Variants in PLCL1 observed in about 807,000 individuals in gnomAD.
PLCL1 encodes the protein inactive phospholipase C-like protein 1.
In PLCL1, 41 loss-of-function variants were observed where a neutral mutation model predicts 84.4. The observed-to-expected ratio is 0.49, with a 90% CI of 0.38 to 0.63. The LOEUF (loss-of-function observed/expected upper bound fraction) is 0.63. Ranked by LOEUF, PLCL1 falls within the 30% of genes least tolerant of loss-of-function variation. PLCL1 has a pLI of 0.00. For missense variants in PLCL1, 1,206 were observed against 1,367.8 expected (o/e 0.88, Z 1.87); for synonymous variants, 490 against 488.3 (o/e 1.00, Z -0.05).
rs1345938864 is a variant in PLCL1, at chr2:197,866,140, A to C, written c.240+60801A>C. Among the ~76,000 whole-genome samples the C allele has an allele frequency of 6.3e-3, 189 of 29,830 alleles. 52 individuals carry two copies. The highest frequency in any genetic ancestry group is 8.5e-3 in the Admixed American group (26 of 3,050). 19.6% of individuals were successfully genotyped at this position (29,830 alleles called of 152,430 possible). On this transcript the variant is annotated intron_variant, in intron 1 of 5. Coordinates refer to ENST00000428675, the MANE Select transcript of PLCL1 (RefSeq NM_006226.4). ...TATATATAAACTATATATATATATA[A>C]ACTATATATATATATAAACTATATA... is the stretch of plus-strand genomic sequence containing the variant.
chr2:197,873,111 T>C (rs72920799), intron 1 of PLCL1, among the ~76,000 whole-genome samples: 2,356 of 152,254 alleles, frequency 0.015, 22 homozygotes, highest in Non-Finnish European at 0.025. Flanking sequence ...ATAGGGAAGG[T>C]TTCTAAATTG....
At chr2:198,022,504 C>T (rs943704219) in intron 1 of PLCL1, among the ~76,000 whole-genome samples, 2 of 152,112 alleles carry the variant, frequency 1.3e-5, no homozygotes, top group South Asian at 2.1e-4. Context: ...AAAACTCCAT[C>T]GTCTCAGTCC....
chr2:197,863,015 G>A lies in PLCL1; in HGVS notation c.240+57676G>A, dbSNP rs75732081. 1.9e-3 allele frequency among the ~76,000 whole-genome samples: 282 copies of A among 152,238 alleles called. 1 individual carries two copies. Among genetic ancestry groups the A allele is most frequent in the African/African-American group, 6.5e-3 (270 of 41,556 alleles). ...AATGTAACGTACATGTTCCTGGAAC[G>A]CAGTAGATGCTCAATAATATGTCTT... On this transcript the variant is annotated intron_variant, in intron 1 of 5. Coordinates refer to ENST00000428675, the MANE Select transcript of PLCL1 (RefSeq NM_006226.4).
intron 1 of PLCL1, among the ~76,000 whole-genome samples, chr2:197,851,902 C>G (rs1687246616): frequency 6.6e-6 from 1 of 152,164 alleles, no homozygotes; most frequent in Non-Finnish European, 1.5e-5. Context: ...CATTTCTGTA[C>G]CAATGTGAGG....
chr2:197,881,191 A>G (rs1450851227), intron 1 of PLCL1, among the ~76,000 whole-genome samples: 1 of 152,182 alleles, frequency 6.6e-6, no homozygotes, highest in Non-Finnish European at 1.5e-5. Context: ...GTGAAGGGGT[A>G]ATCAGCTGCT....
At chr2:197,872,790 A>G (rs1222289086) in intron 1 of PLCL1, among the ~76,000 whole-genome samples, 2 of 152,206 alleles carry the variant, frequency 1.3e-5, no homozygotes, top group Non-Finnish European at 2.9e-5. Flanking sequence ...GATAAGCTTG[A>G]GTAAAAGATT....
intron 1 of PLCL1, among the ~76,000 whole-genome samples, chr2:197,918,183 AC>A (rs1688631686): frequency 1.3e-5 from 2 of 152,154 alleles, no homozygotes; most frequent in South Asian, 2.1e-4. Flanking sequence ...CAAACCCATA[AC>A]CCCAGTCTGA....
At chr2:198,123,447 C>T (rs764136419) in intron 5 of PLCL1, among the ~76,000 whole-genome samples, 54 of 151,624 alleles carry the variant, frequency 3.6e-4, no homozygotes, top group Admixed American at 3.4e-3. Context: ...ATTGGTGGGG[C>T]GGGGGATAAT....
intron 1 of PLCL1, among the ~76,000 whole-genome samples, chr2:197,942,114 C>T (rs1322360026): frequency 6.6e-6 from 1 of 152,190 alleles, no homozygotes; most frequent in Non-Finnish European, 1.5e-5. Flanking sequence ...GTATTTACCT[C>T]CTCATGTGAA....
At chr2:197,982,829 C>A (rs1351650095) in intron 1 of PLCL1, among the ~76,000 whole-genome samples, 3 of 152,164 alleles carry the variant, frequency 2.0e-5, no homozygotes, top group Non-Finnish European at 2.9e-5. Context: ...AGCTACAAGT[C>A]AACTGGCTTC....
At chr2:198,047,163 GTA>G (rs956248665) in intron 1 of PLCL1, among the ~76,000 whole-genome samples, 5 of 83,610 alleles carry the variant, frequency 6.0e-5, no homozygotes, top group East Asian at 5.1e-4. Context: ...GCATGTGTGT[GTA>G]TGTGTGTGTG....
chr2:198,099,215 C>T (rs1458557140), intron 3 of PLCL1, among the ~76,000 whole-genome samples: 2 of 152,004 alleles, frequency 1.3e-5, no homozygotes, highest in African/African-American at 2.4e-5. Context: ...TATCTGAGGA[C>T]ATCTTCTCAC....
intron 1 of PLCL1, among the ~76,000 whole-genome samples, chr2:197,834,376 T>C (rs1691136442): frequency 6.6e-6 from 1 of 152,042 alleles, no homozygotes; most frequent in Non-Finnish European, 1.5e-5. Context: ...ACCTACAGAA[T>C]GGGAGAAAAT....
At chr2:198,001,965 G>C (rs1329538510) in intron 1 of PLCL1, 1 of 440,804 alleles carries the variant, frequency 2.3e-6, no homozygotes, top group East Asian at 7.0e-5. Flanking sequence ...GGACTGTGTA[G>C]TTGCAGGAAA....
chr2:197,957,863 CAG>C (rs1378859184), intron 1 of PLCL1, among the ~76,000 whole-genome samples: 1 of 151,980 alleles, frequency 6.6e-6, no homozygotes, highest in Non-Finnish European at 1.5e-5. Flanking sequence ...TTTTTATCCT[CAG>C]TGATTTAATT....
At chr2:198,091,651 G>A (rs1693040119) in intron 3 of PLCL1, among the ~76,000 whole-genome samples, 1 of 150,898 alleles carries the variant, frequency 6.6e-6, no homozygotes, top group Admixed American at 6.6e-5. Flanking sequence ...TCGCACTCCA[G>A]CCTGGGTGAC....
At chr2:197,908,467 T>A (rs1688425590) in intron 1 of PLCL1, among the ~76,000 whole-genome samples, 1 of 152,360 alleles carries the variant, frequency 6.6e-6, no homozygotes, top group South Asian at 2.1e-4. Flanking sequence ...ATCCTTTTGA[T>A]GTCTTTGGAG....
chr2:198,112,244 C>T (rs765300352), intron 5 of PLCL1, among the ~76,000 whole-genome samples: 1 of 151,804 alleles, frequency 6.6e-6, no homozygotes, highest in Non-Finnish European at 1.5e-5. Context: ...GGCCTGATCA[C>T]CCCTGAGCGA....
chr2:198,120,180 A>T (rs967626918), intron 5 of PLCL1, among the ~76,000 whole-genome samples: 1 of 151,956 alleles, frequency 6.6e-6, no homozygotes. Flanking sequence ...CTACTCTTAA[A>T]AAAAATAATT....
Sources: gnomAD v4.1 joint callset for allele counts (sites outside exome capture counted in the v4.1 genomes callset) on GRCh38, gnomAD v4.1.1 for gene constraint, MANE v1.5 for transcripts, NCBI Gene and HGNC (gene_info 2026-07-23, HGNC 2026-07-21) for gene names.